Variants in KCNU1 observed in about 807,000 individuals in gnomAD.
KCNU1 encodes potassium channel subfamily U member 1.
In KCNU1, 93 loss-of-function variants were observed where a neutral mutation model predicts 126.8. The ratio of observed to expected loss-of-function variants is 0.73; its 90% CI spans 0.62 to 0.87. The LOEUF is 0.87. KCNU1 is among the 40% of genes least tolerant of loss of function. The pLI, the probability that KCNU1 is intolerant of heterozygous loss-of-function variation, is 0.00. For missense variants in KCNU1, 1,330 were observed against 1,367.1 expected, an observed-to-expected ratio of 0.97 and a Z score of 0.43; for synonymous variants, 523 against 494.2, an observed-to-expected ratio of 1.06 and a Z score of -0.77.
chr8:36,835,618 G>A (rs1412598647), intron 12 of KCNU1, among the ~76,000 whole-genome samples: 3 of 152,194 alleles, frequency 2.0e-5, no homozygotes, highest in Non-Finnish European at 4.4e-5. Flanking sequence ...TGGGATTACA[G>A]GCTGGGCCAC....
intron 7 of KCNU1, among the ~76,000 whole-genome samples, chr8:36,810,291 A>G (rs895061858): frequency 1.3e-5 from 2 of 151,128 alleles, no homozygotes; most frequent in East Asian, 3.9e-4. Context: ...GCTTCTCCCT[A>G]TGTACAGCAG....
intron 18 of KCNU1, among the ~76,000 whole-genome samples, chr8:36,846,528 G>A (rs1245630073): frequency 6.6e-6 from 1 of 152,124 alleles, no homozygotes; most frequent in African/African-American, 2.4e-5. Flanking sequence ...CCTCAGTCGG[G>A]CACGGTGGCT....
intron 10 of KCNU1, among the ~76,000 whole-genome samples, chr8:36,818,374 C>A (rs1032696791): frequency 1.3e-5 from 2 of 152,134 alleles, no homozygotes; most frequent in Non-Finnish European, 1.5e-5. Context: ...TTTCTTTCAT[C>A]CTCTCCTATT....
intron 7 of KCNU1, among the ~76,000 whole-genome samples, chr8:36,810,501 A>G (rs572886510): frequency 5.5e-4 from 84 of 152,362 alleles, no homozygotes; most frequent in African/African-American, 2.0e-3. Flanking sequence ...ACTTTGAGCC[A>G]TACCAGTTTC....
At chr8:36,791,960 G>T (rs1049622320) in intron 2 of KCNU1, among the ~76,000 whole-genome samples, 4 of 152,016 alleles carry the variant, frequency 2.6e-5, no homozygotes, top group African/African-American at 9.7e-5. Flanking sequence ...TGTAGCATGA[G>T]AATACAGTTT....
chr8:36,843,278 G>T lies in KCNU1; in HGVS notation c.1703+2275G>T, dbSNP rs76813653. ...CTAACACACATGTACCTCAATGAAG[G>T]GGGGATCTATGGAAACAGAGATTTA... On this transcript the variant is annotated intron_variant, in intron 16 of 26. Coordinates refer to ENST00000399881, the MANE Select transcript of KCNU1 (RefSeq NM_001031836.3). Among the ~76,000 whole-genome samples, 13 of 152,264 alleles carry T rather than the reference G, an allele frequency of 8.5e-5. No homozygotes were observed. The East Asian group carries it at 1.9e-3, about 23-fold the overall frequency.
At chr8:36,804,440 T>G (rs1803425034) in intron 3 of KCNU1, among the ~76,000 whole-genome samples, 1 of 152,182 alleles carries the variant, frequency 6.6e-6, no homozygotes, top group African/African-American at 2.4e-5. Flanking sequence ...TCCTTAGATT[T>G]GGAGCAGAAA....
intron 1 of KCNU1, among the ~76,000 whole-genome samples, chr8:36,785,150 T>C (rs568158345): frequency 5.3e-5 from 8 of 152,224 alleles, no homozygotes; most frequent in Non-Finnish European, 8.8e-5. Context: ...GGACATTTCT[T>C]ATACCCAAAC....
At chr8:36,791,581 G>T (rs1316659207) in intron 2 of KCNU1, among the ~76,000 whole-genome samples, 1 of 151,974 alleles carries the variant, frequency 6.6e-6, no homozygotes, top group East Asian at 1.9e-4. Flanking sequence ...GATAAATTAA[G>T]CCCCTAGCAA....
intron 10 of KCNU1, among the ~76,000 whole-genome samples, chr8:36,829,253 G>A (rs1401960543): frequency 3.3e-5 from 5 of 151,796 alleles, no homozygotes. Context: ...ATCTTCTGAT[G>A]CTTAAAAGTT....
Position 36,930,958 on chromosome 8 carries a change from A to G in KCNU1, c.2744A>G (p.Tyr915Cys), listed in dbSNP as rs770882376. Residue 915 changes from tyrosine (Y) to cysteine (C), a missense_variant, in exon 25 of 27, where the codon TAC becomes TGC. Tyr to Cys is a radical substitution (Grantham distance 194, BLOSUM62 -2). Around this residue, in one of 3 missense-constraint regions of KCNU1, gnomAD observed 1,054 missense variants for 1,053.9 expected, o/e 1.00. Coordinates refer to ENST00000399881, the MANE Select transcript of KCNU1 (RefSeq NM_001031836.3). ...CTTGTCCTTGTTTTCCAGGCCTTCT[A>G]CAATTATCATGTCCTGGAATTGCTT... ...FLDSLLATAF[Y>C]NYHVLELLQM... The G allele has an allele frequency of 1.9e-6, 3 of 1,602,994 alleles. No individual in the cohort carries two copies. In the South Asian group the frequency reaches 3.4e-5, roughly 18 times the overall value.
intron 19 of KCNU1, among the ~76,000 whole-genome samples, chr8:36,903,571 G>T (rs370383755): frequency 4.6e-5 from 7 of 152,202 alleles, no homozygotes; most frequent in African/African-American, 1.4e-4. Flanking sequence ...AAGCTTTTGT[G>T]GTCAGATAAG....
chr8:36,872,569 T>G (rs757908598), intron 19 of KCNU1, among the ~76,000 whole-genome samples: 3 of 152,102 alleles, frequency 2.0e-5, no homozygotes, highest in Non-Finnish European at 2.9e-5. Flanking sequence ...AAATAAATAA[T>G]ACAATCTCAT....
At chr8:36,862,485 C>T (rs1295509414) in intron 18 of KCNU1, among the ~76,000 whole-genome samples, 1 of 152,094 alleles carries the variant, frequency 6.6e-6, no homozygotes, top group Non-Finnish European at 1.5e-5. Flanking sequence ...ATAACTTGGG[C>T]CAGTTTGTCC....
chr8:36,843,410 A>G (rs1805026541), intron 16 of KCNU1, among the ~76,000 whole-genome samples: 1 of 152,210 alleles, frequency 6.6e-6, no homozygotes. Context: ...TTTGTGACCA[A>G]CACTGCTATA....
intron 18 of KCNU1, among the ~76,000 whole-genome samples, chr8:36,857,858 C>T (rs1585469889): frequency 6.6e-6 from 1 of 152,000 alleles, no homozygotes; most frequent in East Asian, 1.9e-4. Flanking sequence ...GTTGGCCAGG[C>T]TGCTCTTGAA....
Position 36,844,157 on chromosome 8 carries a change from T to C in KCNU1, c.1704-1423T>C, listed in dbSNP as rs369366791. ...AGTTTGGGAGGCCGAAGCAGGTGGA[T>C]CACCTGAGGTCAGGGGTTTGAGATC... On this transcript the variant is annotated intron_variant, in intron 16 of 26. Coordinates refer to ENST00000399881, the MANE Select transcript of KCNU1 (RefSeq NM_001031836.3). Among the ~76,000 whole-genome samples the C allele has an allele frequency of 7.2e-5, 11 of 152,090 alleles. No homozygotes were observed. The East Asian group carries it at 2.2e-3, about 30-fold the overall frequency.
At chr8:36,839,732 G>A (rs923958631) in intron 14 of KCNU1, among the ~76,000 whole-genome samples, 5 of 152,228 alleles carry the variant, frequency 3.3e-5, no homozygotes, top group Non-Finnish European at 2.9e-5. Context: ...TGAGATTCTC[G>A]GTTTTAAGAA....
chr8:36,830,432 A>G (rs1194770626), intron 10 of KCNU1, among the ~76,000 whole-genome samples: 2 of 152,030 alleles, frequency 1.3e-5, no homozygotes, highest in Admixed American at 6.6e-5. Context: ...ATTTCTATCA[A>G]TTTGTCTCTG....
Sources: allele counts gnomAD v4.1 joint callset (sites outside exome capture counted in the v4.1 genomes callset), GRCh38; gene constraint gnomAD v4.1.1; regional missense constraint gnomAD v4.1.1; transcripts MANE v1.5; gene names NCBI Gene and HGNC (gene_info 2026-07-23, HGNC 2026-07-21).